Variants in HSPBP1 observed in about 807,000 individuals in gnomAD.
HSPBP1 encodes the protein hsp70-binding protein 1.
HSPBP1 carries 31 observed loss-of-function variants against 41.7 expected under a neutral mutation model. The observed-to-expected ratio is 0.74, with a 90% CI of 0.56 to 1.00. The LOEUF is 1.00. Among genes scored for constraint, HSPBP1 ranks in the 50% least tolerant of loss-of-function variants. The probability of loss-of-function intolerance (pLI) is 0.00; values close to 1 mark genes in which losing one functional copy is unlikely to be tolerated. For missense variants in HSPBP1, 439 were observed against 487.9 expected (o/e 0.90, Z 0.94); for synonymous variants, 199 against 214.4 (o/e 0.93, Z 0.63).
At chr19:55,273,945 T>A (rs2087991243) in intron 4 of HSPBP1, among the ~76,000 whole-genome samples, 1 of 150,100 alleles carries the variant, frequency 6.7e-6, no homozygotes, top group South Asian at 2.1e-4. Flanking sequence ...AGAAGAAGAA[T>A]TCATGTACAG....
intron 7 of HSPBP1, 32 bp from the exon 8 acceptor site, chr19:55,262,714 C>T (rs775403190): frequency 1.9e-6 from 3 of 1,601,040 alleles, no homozygotes; most frequent in Non-Finnish European, 2.6e-6. Context: ...AGCAAGGGGC[C>T]TGAGTGCAGA....
At chr19:55,273,573 G>A (rs2087981159) in intron 4 of HSPBP1, among the ~76,000 whole-genome samples, 1 of 152,150 alleles carries the variant, frequency 6.6e-6, no homozygotes, top group Non-Finnish European at 1.5e-5. Context: ...ACCTGGCATG[G>A]AGAAACTGCC....
chr19:55,263,630 A>C (rs1047605140), intron 7 of HSPBP1, among the ~76,000 whole-genome samples: 4 of 152,230 alleles, frequency 2.6e-5, no homozygotes, highest in Non-Finnish European at 5.9e-5. Context: ...CTGCAAAATG[A>C]AAGAGCCACA....
At chr19:55,274,347 A>AACCCCCCCCCC in intron 4 of HSPBP1, 51 bp downstream of exon 4, 2 of 325,718 alleles carry the variant, frequency 6.1e-6, no homozygotes, top group South Asian at 3.5e-5. Context: ...CCCACCCGGC[A>AACCCCCCCCCC]CCCCCCCCCA....
Position 55,262,492 on chromosome 19 carries a change from C to A in HSPBP1, c.*116G>T. The A allele has an allele frequency of 6.7e-7, 1 of 1,500,296 alleles. No individual in the cohort carries two copies. The allele number at this position is 1,500,296 out of a possible 1,614,324, so 92.9% of individuals were successfully genotyped here. ...GGGACTGCACAGAGACGGGCTGGCA[C>A]ACCCTGGGTCCAGGCACCTAGGCCC... On this transcript the variant is annotated 3_prime_UTR_variant, in exon 8 of 8. Transcript: ENST00000433386.
chr19:55,274,842 C>T (rs960017205), intron 3 of HSPBP1, among the ~76,000 whole-genome samples: 1 of 152,192 alleles, frequency 6.6e-6, no homozygotes, highest in East Asian at 1.9e-4. Flanking sequence ...AGGACACAGA[C>T]ACCCACAGAG....
intron 4 of HSPBP1, among the ~76,000 whole-genome samples, chr19:55,267,074 A>G (rs558679259): frequency 1.3e-5 from 2 of 152,330 alleles, no homozygotes; most frequent in East Asian, 3.8e-4. Context: ...ATTCCATTGT[A>G]TGGATATACC....
intron 4 of HSPBP1, among the ~76,000 whole-genome samples, chr19:55,273,806 G>T (rs1303423103): frequency 6.6e-6 from 1 of 152,108 alleles, no homozygotes; most frequent in African/African-American, 2.4e-5. Flanking sequence ...TGGACATGGT[G>T]GATCACACCT....
chr19:55,265,047 C>G (rs2087735565), intron 7 of HSPBP1, among the ~76,000 whole-genome samples: 1 of 150,698 alleles, frequency 6.6e-6, no homozygotes, highest in Middle Eastern at 3.2e-3. Context: ...GCTGTCCCCT[C>G]CCCCGGCACA....
intron 7 of HSPBP1, 33 bp downstream of exon 7, chr19:55,265,245 G>T: frequency 6.8e-7 from 1 of 1,478,486 alleles, no homozygotes. Context: ...CTTGCACCTG[G>T]TCCTCCTTGC....
intron 4 of HSPBP1, 35 bp downstream of exon 4, chr19:55,274,363 A>T (rs1405967939): frequency 1.4e-5 from 2 of 145,952 alleles, no homozygotes; most frequent in Non-Finnish European, 1.1e-5. Flanking sequence ...CCCCACCGCC[A>T]GCACCCCTGT....
intron 6 of HSPBP1, 108 bp from the exon 7 acceptor site, chr19:55,265,497 C>A (rs899829011): frequency 2.3e-6 from 2 of 861,534 alleles, no homozygotes; most frequent in East Asian, 5.1e-5. Flanking sequence ...TGGCAAGTCG[C>A]TGCCCCACAA....
chr19:55,262,244 TTTA>T lies in HSPBP1; in HGVS notation c.*361_*363del. Reference sequence around the variant, plus strand: ...TCTATAGATGATAAAGAGCAACACTTTTATTATTCTTCCAGTGGCTCCCCAAGT... The same window carrying T: ...TCTATAGATGATAAAGAGCAACACTTTTATTCTTCCAGTGGCTCCCCAAGT... On this transcript the variant is annotated 3_prime_UTR_variant, in exon 8 of 8. Coordinates refer to ENST00000433386, the MANE Select transcript of HSPBP1 (RefSeq NM_012267.5). The T allele has an allele frequency of 7.1e-6, 3 of 422,300 alleles. No individual in the cohort carries two copies. Among genetic ancestry groups the T allele is most frequent in the South Asian group, 8.3e-5 (1 of 12,084 alleles). 26.2% of individuals were successfully genotyped at this position (422,300 alleles called of 1,614,324 possible).
intron 7 of HSPBP1, among the ~76,000 whole-genome samples, chr19:55,263,067 AAAAG>A (rs1209263912): frequency 2.0e-5 from 3 of 152,228 alleles, no homozygotes; most frequent in Admixed American, 2.0e-4. Context: ...CCATGGCAAA[AAAAG>A]AAAAAGAAAA....
chr19:55,264,987 T>A (rs2087734022), intron 7 of HSPBP1, among the ~76,000 whole-genome samples: 1 of 145,446 alleles, frequency 6.9e-6, no homozygotes, highest in South Asian at 2.3e-4. Context: ...TCACACCTGG[T>A]CCTCCTCACA....
chr19:55,262,586 G>A lies in HSPBP1; in HGVS notation c.*22C>T. On this transcript the variant is annotated 3_prime_UTR_variant, in exon 8 of 8. Coordinates refer to ENST00000433386, the MANE Select transcript of HSPBP1 (RefSeq NM_012267.5). ...AGAGGCCTGGGGTTCCCACGGAGAA[G>A]GGGGCAAGAAGCCACCTGGTTTCAC... The A allele has an allele frequency of 3.1e-6, 5 of 1,612,790 alleles. No individual in the cohort carries two copies. Among genetic ancestry groups the A allele is most frequent in the Non-Finnish European group, 4.2e-6 (5 of 1,179,370 alleles).
At chr19:55,279,766 C>A in intron 1 of HSPBP1, 64 bp from the exon 2 acceptor site, 1 of 1,518,080 alleles carries the variant, frequency 6.6e-7, no homozygotes, top group Non-Finnish European at 8.8e-7. Flanking sequence ...CCACTCTGCC[C>A]CCAGCCCACT....
intron 7 of HSPBP1, among the ~76,000 whole-genome samples, chr19:55,263,063 C>CA (rs1323912804): frequency 3.3e-5 from 5 of 151,662 alleles, no homozygotes; most frequent in Non-Finnish European, 5.9e-5. Context: ...ACTCCCATGG[C>CA]AAAAAAAGAA....
At position 55,270,885 on chromosome 19, in the gene HSPBP1, C is replaced by A. The variant is rs1343102856; in HGVS notation, c.640+3513G>T. On this transcript the variant is annotated intron_variant, in intron 4 of 7. Coordinates refer to ENST00000433386, the MANE Select transcript of HSPBP1 (RefSeq NM_012267.5). This position sits in a 1 kb window ranked among gnomAD's most constrained non-coding sequence, Gnocchi z 5.4. ...CCCACACACATACACATGCAACACA[C>A]ACACCACACACACCTCCACATATAT... Among the ~76,000 whole-genome samples the A allele has an allele frequency of 6.6e-6, 1 of 151,720 alleles. No homozygotes were observed. The highest frequency in any genetic ancestry group is 1.5e-5 in the Non-Finnish European group (1 of 67,938).
Sources: gnomAD v4.1 joint callset for allele counts (sites outside exome capture counted in the v4.1 genomes callset) on GRCh38, gnomAD v4.1.1 for gene constraint, Gnocchi (gnomAD v3.1) non-coding constraint, MANE v1.5 for transcripts, NCBI Gene and HGNC (gene_info 2026-07-23, HGNC 2026-07-21) for gene names.